The following PGAP2 variants were observed in gnomAD, a reference collection of about 807,000 sequenced individuals.
The protein encoded by PGAP2 is post-GPI attachment to proteins 2.
Under a neutral mutation model 33.2 loss-of-function variants are expected in PGAP2, and 21 were observed. The observed-to-expected ratio is 0.63, with a 90% CI of 0.45 to 0.91. The LOEUF (loss-of-function observed/expected upper bound fraction) is 0.91, where lower values mean the gene tolerates loss of function less well. Ranked by LOEUF, PGAP2 falls within the 40% of genes least tolerant of loss-of-function variation. The probability of loss-of-function intolerance (pLI) is 0.00; values close to 1 mark genes in which losing one functional copy is unlikely to be tolerated. For synonymous variants in PGAP2, 161 were observed against 172.9 expected (o/e 0.93, Z 0.54); for missense variants, 345 against 424.0 (o/e 0.81, Z 1.64).
Position 3,798,037 on chromosome 11 carries a change from C to T in PGAP2, c.139+55C>T, listed in dbSNP as rs7116540. The T allele has an allele frequency of 4.1e-3, 6,322 of 1,530,392 alleles. 217 individuals carry two copies. In the African/African-American group the frequency reaches 0.076, roughly 18 times the overall value. The allele number at this position is 1,530,392 out of a possible 1,614,324, so 94.8% of individuals were successfully genotyped here. ...TCCGCCGGCGCTGCTGGGAAGGCTT[C>T]CTAGTCTCTCTGCCCGCACTTCCCG... On this transcript the variant is annotated intron_variant, in intron 1 of 6. Coordinates refer to the PGAP2 transcript ENST00000300730.
rs754242445 is a variant in PGAP2, at chr11:3,823,867, G to A, written c.349-16G>A. ...GCTGGCAGAGGCAGATGCCCAGACA[G>A]GTCACAACTCTCTAGGTGCCCAATT... On this transcript the variant is annotated splice_polypyrimidine_tract_variant and intron_variant, in intron 3 of 6. Coordinates refer to ENST00000278243, the MANE Select transcript of PGAP2 (RefSeq NM_014489.4). 6.2e-6 allele frequency: 10 copies of A among 1,600,474 alleles called. No individual in the cohort carries two copies. The highest frequency in any genetic ancestry group is 1.6e-4 in the Middle Eastern group (1 of 6,082).
intron 3 of PGAP2, among the ~76,000 whole-genome samples, chr11:3,819,080 A>G (rs1459473477): frequency 1.3e-5 from 2 of 152,094 alleles, no homozygotes; most frequent in African/African-American, 2.4e-5. Flanking sequence ...ACAGGATCTC[A>G]CTCTGTCTCC....
chr11:3,818,032 G>A, intron 3 of PGAP2: 1 of 252,020 alleles, frequency 4.0e-6, no homozygotes. Flanking sequence ...GGTGACAGGA[G>A]TAAAACCCTG....
At chr11:3,822,780 C>T in intron 3 of PGAP2, 1 of 538,110 alleles carries the variant, frequency 1.9e-6, no homozygotes, top group Non-Finnish European at 3.3e-6. Flanking sequence ...TCTAAGAGAG[C>T]CTCTTCCCAT....
Position 3,824,339 on chromosome 11 carries a change from T to C in PGAP2, c.671T>C (p.Leu224Pro). The C allele has an allele frequency of 1.2e-6, 2 of 1,614,262 alleles. No homozygotes were observed. Among genetic ancestry groups the C allele is most frequent in the Non-Finnish European group, 1.7e-6 (2 of 1,180,046 alleles). ...SLGHMLLTCILWRLTKKHTVS... is the reference protein window; with the variant it reads ...SLGHMLLTCIPWRLTKKHTVS... ...GGGCACATGCTCCTCACCTGCATTC[T>C]CTGGCGGTTGACCAAGAAGCACACA... Residue 224 changes from leucine (L) to proline (P), a missense_variant, in exon 5 of 7, where the codon CTC becomes CCC. By Grantham distance (98) the Leu-to-Pro change is moderately conservative. Transcript: ENST00000278243.
At chr11:3,817,166 G>A (rs999405727) in intron 2 of PGAP2, among the ~76,000 whole-genome samples, 187 bp from the exon 3 acceptor site, 45 of 152,104 alleles carry the variant, frequency 3.0e-4, no homozygotes, top group Admixed American at 2.9e-3. Context: ...GCCTGTCTCT[G>A]CTGCTCCTGC....
chr11:3,825,391 C>T lies in PGAP2; in HGVS notation c.881C>T (p.Thr294Met), dbSNP rs747658866. 42 of 1,613,672 alleles carry T rather than the reference C, an allele frequency of 2.6e-5. No individual in the cohort carries two copies. The highest frequency in any genetic ancestry group is 4.0e-5 in the African/African-American group (3 of 74,898). Residue 294 changes from threonine (T) to methionine (M), a missense_variant, in exon 7 of 7, where the codon ACG (threonine) becomes ATG (methionine). Physicochemically the swap from Thr to Met is moderately conservative, Grantham distance 81 (BLOSUM62 -1). This residue lies in a region of PGAP2 where 311 missense variants were observed against 353.6 expected (regional missense o/e 0.88). Coordinates refer to ENST00000278243, the MANE Select transcript of PGAP2 (RefSeq NM_014489.4). ...TTAACCAACATGGCGTTCCACATGACGGCCTGGTGGGACTTCGGGAACAAG... is the reference window on the plus strand; with the variant it reads ...TTAACCAACATGGCGTTCCACATGATGGCCTGGTGGGACTTCGGGAACAAG... Reference protein sequence around the residue: ...VVLTNMAFHMTAWWDFGNKEL... With the variant: ...VVLTNMAFHMMAWWDFGNKEL...
In PGAP2 at chr11:3,824,495, G is replaced by T. The variant is rs746729833; in HGVS notation, c.708+119G>T. 61 of 1,479,008 alleles carry T rather than the reference G, an allele frequency of 4.1e-5. No homozygotes were observed. In the Admixed American group the frequency reaches 4.5e-4, roughly 11 times the overall value. 91.6% of individuals were successfully genotyped at this position (1,479,008 alleles called of 1,614,324 possible). A position where few individuals can be genotyped will look rare whatever the true frequency, so the allele number is the denominator to read the frequency against. On this transcript the variant is annotated intron_variant, in intron 5 of 6. Transcript: ENST00000278243. Reference sequence around the variant, plus strand: ...GAGTTCTAATGGGAACCCTGGCAGAGGGGTGCTGGGGTTGGGGCTGGGGCT... The same window carrying T: ...GAGTTCTAATGGGAACCCTGGCAGATGGGTGCTGGGGTTGGGGCTGGGGCT...
At chr11:3,823,006 C>T in intron 3 of PGAP2, 1 of 1,087,874 alleles carries the variant, frequency 9.2e-7, no homozygotes, top group Non-Finnish European at 1.3e-6. Context: ...TAGGAGCACC[C>T]ACTTTCTTTT....
At chr11:3,814,748 T>TTTCCTTCTTTTC (rs1565011131) in intron 2 of PGAP2, among the ~76,000 whole-genome samples, 17 of 112,734 alleles carry the variant, frequency 1.5e-4, no homozygotes, top group East Asian at 5.3e-4. Context: ...TCTTTCCTTC[T>TTTCCTTCTTTTC]TTTCTTTCTT....
In PGAP2 at chr11:3,811,942, G is replaced by A. The variant is rs562335681; in HGVS notation, c.165+518G>A. Among the ~76,000 whole-genome samples, 6 of 152,286 alleles carry A rather than the reference G, an allele frequency of 3.9e-5. No individual in the cohort carries two copies. In the South Asian group the frequency reaches 8.3e-4, roughly 21 times the overall value. On this transcript the variant is annotated intron_variant, in intron 2 of 6. Coordinates refer to ENST00000278243, the MANE Select transcript of PGAP2 (RefSeq NM_014489.4). The surrounding 1 kb of genome is among the most constrained non-coding windows in gnomAD (Gnocchi z 4.6). ...TGACTCAGTATATGTGTGTGTGATT[G>A]TGAGGGTCATGACTGTATATAATGG...
At chr11:3,797,751 C>G, upstream of PGAP2, 1 of 1,433,600 alleles carries the variant, frequency 7.0e-7, no homozygotes, top group Non-Finnish European at 9.5e-7. Context: ...AGGGTAGGAG[C>G]GGTGAGAGGG....
chr11:3,817,427 C>G lies in PGAP2; in HGVS notation c.240C>G (p.Phe80Leu), dbSNP rs1453254595. ...DPDGTLFRLRFTAMVWWAITF... is the reference protein window; with the variant it reads ...DPDGTLFRLRLTAMVWWAITF... Reference sequence around the variant, plus strand: ...ATGGGACCTTGTTCCGGCTTCGCTTCACAGCCATGGTCTGGTGGGCCATCA... The same window carrying G: ...ATGGGACCTTGTTCCGGCTTCGCTTGACAGCCATGGTCTGGTGGGCCATCA... Residue 80 changes from phenylalanine (F) to leucine (L), a missense_variant, in exon 3 of 7, where the codon TTC becomes TTG. Physicochemically the swap from Phe to Leu is conservative, Grantham distance 22. Transcript: ENST00000278243. 6.2e-7 allele frequency: 1 copy of G among 1,614,054 alleles called. No homozygotes were observed. The highest frequency in any genetic ancestry group is 1.3e-5 in the African/African-American group (1 of 74,934).
At chr11:3,799,842 C>T (rs2083200649) in intron 1 of PGAP2, among the ~76,000 whole-genome samples, 1 of 152,136 alleles carries the variant, frequency 6.6e-6, no homozygotes, top group Admixed American at 6.6e-5. Context: ...TGGCAAGCGC[C>T]TGTGGTCCCA....
Position 3,817,393 on chromosome 11 carries a change from T to A in PGAP2, c.206T>A (p.Leu69Ter). Reference protein sequence around the residue: ...CRMFSAASQPLDPDGTLFRLR... With the variant: ...CRMFSAASQP ...ATGTTCTCTGCGGCCTCCCAGCCTTTGGACCCCGATGGGACCTTGTTCCGG... is the reference window on the plus strand; with the variant it reads ...ATGTTCTCTGCGGCCTCCCAGCCTTAGGACCCCGATGGGACCTTGTTCCGG... Residue 69 changes from leucine to a stop codon, truncating the protein, a stop_gained, in exon 3 of 7, where the codon TTG (leucine) becomes TAG (stop). Coordinates refer to ENST00000278243, the MANE Select transcript of PGAP2 (RefSeq NM_014489.4). LOFTEE classifies it high-confidence loss of function. 1 of 1,613,276 alleles carries A rather than the reference T, an allele frequency of 6.2e-7. No homozygotes were observed. The highest frequency in any genetic ancestry group is 8.5e-7 in the Non-Finnish European group (1 of 1,179,184).
chr11:3,821,856 A>G (rs1193307693), intron 3 of PGAP2, among the ~76,000 whole-genome samples: 1 of 151,170 alleles, frequency 6.6e-6, no homozygotes, highest in Non-Finnish European at 1.5e-5. Context: ...TGAGTCCAGG[A>G]GTTTTAGACC....
chr11:3,797,941 G>C, exon 1 of PGAP2: 1 of 1,548,698 alleles, frequency 6.5e-7, no homozygotes, highest in Non-Finnish European at 8.7e-7. Context: ...CTCGGGCTGA[G>C]GGAGCTCGGG....
intron 4 of PGAP2, 29 bp from the exon 5 acceptor site, chr11:3,824,241 A>G (rs1023948592): frequency 8.7e-6 from 14 of 1,613,932 alleles, no homozygotes; most frequent in East Asian, 2.2e-5. Context: ...ACTCCCTGCA[A>G]TGTGGCTCCC....
At chr11:3,808,007 G>T (rs961616982), upstream of PGAP2, 1 of 1,329,874 alleles carries the variant, frequency 7.5e-7, no homozygotes, top group South Asian at 1.7e-5. Context: ...AGGACAGGGC[G>T]CCCTCTCCTG....
Sources: gnomAD v4.1 joint callset for allele counts (sites outside exome capture counted in the v4.1 genomes callset) on GRCh38, gnomAD v4.1.1 for gene constraint, gnomAD v4.1.1 regional missense constraint, Gnocchi (gnomAD v3.1) non-coding constraint, MANE v1.5 for transcripts, NCBI Gene and HGNC (gene_info 2026-07-23, HGNC 2026-07-21) for gene names.